The following AKT3 variants were observed in gnomAD, a reference collection of about 807,000 sequenced individuals.
AKT3 encodes RAC-gamma serine/threonine-protein kinase.
A neutral mutation model predicts 65.3 loss-of-function variants in AKT3; 15 were observed. That is an observed-to-expected ratio of 0.23 (90% CI 0.15 to 0.35). The LOEUF (loss-of-function observed/expected upper bound fraction) is 0.35, where lower values mean the gene tolerates loss of function less well. Among genes scored for constraint, AKT3 ranks in the 10% least tolerant of loss-of-function variants. The pLI, the probability that AKT3 is intolerant of heterozygous loss-of-function variation, is 1.00. For missense variants in AKT3, 243 were observed against 576.5 expected (o/e 0.42, Z 5.92); for synonymous variants, 206 against 183.8 (o/e 1.12, Z -0.98).
chr1:243,540,253 G>T (rs943213611), intron 12 of AKT3, among the ~76,000 whole-genome samples: 8 of 151,868 alleles, frequency 5.3e-5, no homozygotes, highest in Non-Finnish European at 1.2e-4. Flanking sequence ...TGAACAAGTG[G>T]TTTTTTTCAA....
At chr1:243,668,748 G>A (rs1025481708) in intron 3 of AKT3, among the ~76,000 whole-genome samples, 1 of 152,158 alleles carries the variant, frequency 6.6e-6, no homozygotes, top group African/African-American at 2.4e-5. Flanking sequence ...CTTTAACCAA[G>A]TAAGTTTGTC....
intron 2 of AKT3, among the ~76,000 whole-genome samples, chr1:243,798,810 C>T (rs1230778646): frequency 2.0e-5 from 3 of 152,150 alleles, no homozygotes; most frequent in Non-Finnish European, 2.9e-5. Flanking sequence ...TCCACACTGG[C>T]GAATATGGTC....
chr1:243,831,642 G>T (rs1694515588), intron 2 of AKT3, among the ~76,000 whole-genome samples: 1 of 152,134 alleles, frequency 6.6e-6, no homozygotes, highest in Non-Finnish European at 1.5e-5. Context: ...CTCAAAGAGA[G>T]AAAACACAAG....
At chr1:243,582,564 A>G (rs956534566) in intron 8 of AKT3, among the ~76,000 whole-genome samples, 2 of 152,070 alleles carry the variant, frequency 1.3e-5, no homozygotes, top group African/African-American at 4.8e-5. Context: ...GCACAAAGGA[A>G]TTTGTTACAA....
chr1:243,489,090 CT>C (rs1006790458), intron 13 of AKT3: 1 of 1,613,266 alleles, frequency 6.2e-7, no homozygotes, highest in African/African-American at 1.3e-5. Context: ...GAACCAGCTT[CT>C]CCTGGAGAGG....
intron 2 of AKT3, among the ~76,000 whole-genome samples, chr1:243,820,788 A>T (rs1321232709): frequency 2.0e-5 from 3 of 152,188 alleles, no homozygotes; most frequent in African/African-American, 7.2e-5. Context: ...ATTATGTAAG[A>T]AGACCAAATC....
At position 243,641,212 on chromosome 1, in the gene AKT3, T is replaced by G. The variant is rs543432586; in HGVS notation, c.430-3470A>C. On this transcript the variant is annotated intron_variant, in intron 5 of 13. Coordinates refer to ENST00000673466, the MANE Select transcript of AKT3 (RefSeq NM_005465.7). ...GATGGCCTATTGTGGAACCTTGTGA[T>G]CGTGTGTTTAATACTCCTTAATAAA... Among the ~76,000 whole-genome samples the G allele has an allele frequency of 1.4e-3, 213 of 151,504 alleles. 8 individuals carry two copies. In the South Asian group the frequency reaches 0.044, roughly 31 times the overall value.
chr1:243,736,723 G>A (rs1687866192), intron 2 of AKT3, among the ~76,000 whole-genome samples: 1 of 152,088 alleles, frequency 6.6e-6, no homozygotes, highest in Non-Finnish European at 1.5e-5. Context: ...GAAAGTCAAG[G>A]CATATGCTGA....
chr1:243,498,630 T>G (rs143042334), downstream of AKT3, among the ~76,000 whole-genome samples: 1 of 152,366 alleles, frequency 6.6e-6, no homozygotes, highest in East Asian at 1.9e-4. Context: ...ACATTACTTT[T>G]TCTCATTTTT....
intron 2 of AKT3, among the ~76,000 whole-genome samples, chr1:243,704,378 T>C (rs775567372): frequency 1.3e-5 from 2 of 152,094 alleles, no homozygotes; most frequent in Non-Finnish European, 2.9e-5. Context: ...CCAGCCCTCG[T>C]GGAGCTTTAA....
intron 8 of AKT3, among the ~76,000 whole-genome samples, chr1:243,583,195 T>TATATAC (rs759291565): frequency 4.8e-4 from 42 of 88,276 alleles, no homozygotes; most frequent in African/African-American, 1.9e-3. Flanking sequence ...TATATATATA[T>TATATAC]ACACACACAC....
intron 2 of AKT3, among the ~76,000 whole-genome samples, chr1:243,724,769 T>C (rs1687109247): frequency 6.6e-6 from 1 of 152,168 alleles, no homozygotes; most frequent in Admixed American, 6.5e-5. Context: ...AAAACTGAAT[T>C]TTAAACTAAA....
chr1:243,699,045 T>C (rs1411860453), intron 2 of AKT3, among the ~76,000 whole-genome samples: 1 of 152,130 alleles, frequency 6.6e-6, no homozygotes, highest in African/African-American at 2.4e-5. Context: ...TGAGTTCAGA[T>C]AAGGCACGTG....
At chr1:243,683,952 G>C (rs1196806757) in intron 3 of AKT3, among the ~76,000 whole-genome samples, 1 of 152,116 alleles carries the variant, frequency 6.6e-6, no homozygotes, top group Non-Finnish European at 1.5e-5. Context: ...TGACTAAAAA[G>C]GGAATAACAA....
chr1:243,755,999 A>C (rs1689115201), intron 2 of AKT3, among the ~76,000 whole-genome samples: 1 of 152,232 alleles, frequency 6.6e-6, no homozygotes, highest in South Asian at 2.1e-4. Flanking sequence ...TGATTGAGAG[A>C]TTGGTTATAT....
rs889561455 is a variant in AKT3 at position 243,724,862 on chromosome 1, T to C, written c.47-29146A>G. Reference sequence around the variant, plus strand: ...AAAAAAGATGAAGAAAAGGCAACTATTGTTATAAAATATCCTACAATATAG... The same window carrying C: ...AAAAAAGATGAAGAAAAGGCAACTACTGTTATAAAATATCCTACAATATAG... On this transcript the variant is annotated intron_variant, in intron 2 of 13. Coordinates refer to ENST00000673466, the MANE Select transcript of AKT3 (RefSeq NM_005465.7). Among the ~76,000 whole-genome samples the C allele has an allele frequency of 6.2e-4, 95 of 152,212 alleles. 1 individual carries two copies. The highest frequency in any genetic ancestry group is 2.1e-3 in the African/African-American group (89 of 41,528).
At chr1:243,613,802 A>G in intron 7 of AKT3, 63 bp from the exon 8 acceptor site, 1 of 1,048,922 alleles carries the variant, frequency 9.5e-7, no homozygotes, top group East Asian at 2.7e-5. Context: ...TTATAATAGT[A>G]CTAAAAATAG....
At chr1:243,551,879 T>G (rs957593297) in intron 11 of AKT3, among the ~76,000 whole-genome samples, 1 of 152,164 alleles carries the variant, frequency 6.6e-6, no homozygotes, top group Non-Finnish European at 1.5e-5. Flanking sequence ...GCAAGAGCCA[T>G]AGAGTTCTTC....
intron 6 of AKT3, among the ~76,000 whole-genome samples, chr1:243,617,858 A>G (rs1360960286): frequency 6.6e-6 from 1 of 152,142 alleles, no homozygotes; most frequent in Non-Finnish European, 1.5e-5. Flanking sequence ...TATAAAGTTA[A>G]CAGTGCTAAT....
Sources: allele counts gnomAD v4.1 joint callset (sites outside exome capture counted in the v4.1 genomes callset), GRCh38; gene constraint gnomAD v4.1.1; transcripts MANE v1.5; gene names NCBI Gene and HGNC (gene_info 2026-07-23, HGNC 2026-07-21).